Variants in CRYBG2 observed in about 807,000 individuals in gnomAD.
CRYBG2 encodes beta/gamma crystallin domain-containing protein 2.
Under a neutral mutation model 153.4 loss-of-function variants are expected in CRYBG2, and 106 were observed. The observed-to-expected ratio is 0.69, with a 90% CI of 0.59 to 0.81. The LOEUF is 0.81. CRYBG2 is among the 30% of genes least tolerant of loss of function. CRYBG2 has a pLI of 0.00. For missense variants in CRYBG2, 1,996 were observed against 2,112.0 expected (o/e 0.95, Z 1.08); for synonymous variants, 851 against 877.8 (o/e 0.97, Z 0.54).
rs778910143 is a variant in CRYBG2, at chr1:26,338,516, GACTTCAAGGGACAC to G, written c.3345-53_3345-40del. On this transcript the variant is annotated intron_variant, in intron 6 of 19. Coordinates refer to ENST00000308182, the MANE Select transcript of CRYBG2 (RefSeq NM_001039775.4). The stretch of plus-strand genomic sequence containing the variant: ...AGAGGCTGCTGCACCCTAGCAGAGA[GACTTCAAGGGACAC>G]AGATTGGTGGGCGGGAGGGAAGGTT... The G allele has an allele frequency of 2.6e-6, 4 of 1,538,074 alleles. No individual in the cohort carries two copies. In the Admixed American group the frequency reaches 8.4e-5, roughly 32 times the overall value.
intron 1 of CRYBG2, among the ~76,000 whole-genome samples, chr1:26,349,402 C>T (rs2074263284): frequency 6.6e-6 from 1 of 152,082 alleles, no homozygotes; most frequent in South Asian, 2.1e-4. Flanking sequence ...CAGGCATCCT[C>T]CCTCCTACCC....
At position 26,346,187 on chromosome 1, in the gene CRYBG2, T is replaced by A; in HGVS notation, c.471A>T (p.Pro157=). The A allele has an allele frequency of 6.4e-7, 1 of 1,571,376 alleles. No homozygotes were observed. Among genetic ancestry groups the A allele is most frequent in the Non-Finnish European group, 8.6e-7 (1 of 1,165,342 alleles). Residue 157 remains proline (P), a synonymous_variant, in exon 2 of 20, where the codon CCA becomes CCT. Transcript: ENST00000308182. This position sits in a 1 kb window ranked among gnomAD's most constrained non-coding sequence, Gnocchi z 4.9. ...LPGPREPSPH[P]GVGLTSGSSR... is the part of the protein sequence containing the mutation. The stretch of plus-strand genomic sequence containing the variant: ...AGCTACCACTGGTGAGACCTACACC[T>A]GGGTGGGGACTTGGCTCTCGGGGCC...
chr1:26,336,332 C>T lies in CRYBG2; in HGVS notation c.4071+6G>A, dbSNP rs1315815140. On this transcript the variant is annotated splice_donor_region_variant and intron_variant, in intron 13 of 19. Coordinates refer to ENST00000308182, the MANE Select transcript of CRYBG2 (RefSeq NM_001039775.4). The surrounding 1 kb of genome is among the most constrained non-coding windows in gnomAD (Gnocchi z 4.9). ...CCAGCGGCTCCCTGCGGAGTCCCTG[C>T]CTTACCTTTGAGACGAAGTGCAGAT... 1 of 1,613,406 alleles carries T rather than the reference C, an allele frequency of 6.2e-7. No individual in the cohort carries two copies. The highest frequency in any genetic ancestry group is 8.5e-7 in the Non-Finnish European group (1 of 1,179,720).
chr1:26,329,338 G>A (rs746438274), intron 15 of CRYBG2, among the ~76,000 whole-genome samples: 11 of 151,464 alleles, frequency 7.3e-5, no homozygotes, highest in African/African-American at 2.2e-4. Context: ...CACCATCCCC[G>A]GCTAATTTTT....
At chr1:26,347,296 T>TG (rs2074235588) in intron 1 of CRYBG2, among the ~76,000 whole-genome samples, 1 of 137,442 alleles carries the variant, frequency 7.3e-6, no homozygotes, top group Non-Finnish European at 1.6e-5. Flanking sequence ...TTTTTTTTTT[T>TG]TTTTTTTTTT....
Position 26,344,576 on chromosome 1 carries a change from G to T in CRYBG2, c.2082C>A (p.Thr694=). ...DSEGSPISSL[T]QKEVVQDPDA... is the part of the protein sequence containing the mutation. Reference sequence around the variant, plus strand: ...CAGGGTCCTGCACAACCTCTTTCTGGGTGAGAGATGAGATGGGGCTCCCTT... The same window carrying T: ...CAGGGTCCTGCACAACCTCTTTCTGTGTGAGAGATGAGATGGGGCTCCCTT... The change falls in exon 2 of 20, where the codon ACC becomes ACA. Residue 694 remains threonine (T), a synonymous_variant. Coordinates refer to ENST00000308182, the MANE Select transcript of CRYBG2 (RefSeq NM_001039775.4). 1 of 1,539,100 alleles carries T rather than the reference G, an allele frequency of 6.5e-7. No individual in the cohort carries two copies. Among genetic ancestry groups the T allele is most frequent in the Non-Finnish European group, 8.7e-7 (1 of 1,146,904 alleles).
rs766098116 is a variant in CRYBG2 at position 26,346,182 on chromosome 1, A to C, written c.476T>G (p.Val159Gly). ...GPREPSPHPG[V>G]GLTSGSSRSL... ...CCGGGAGCTACCACTGGTGAGACCT[A>C]CACCTGGGTGGGGACTTGGCTCTCG... The change falls in exon 2 of 20, where the codon GTA (valine) becomes GGA (glycine). Residue 159 changes from valine (V) to glycine (G), a missense_variant. By Grantham distance (109) the Val-to-Gly change is moderately radical. Coordinates refer to ENST00000308182, the MANE Select transcript of CRYBG2 (RefSeq NM_001039775.4). This position sits in a 1 kb window ranked among gnomAD's most constrained non-coding sequence, Gnocchi z 4.9. The C allele has an allele frequency of 5.7e-6, 9 of 1,570,446 alleles. No individual in the cohort carries two copies. The African/African-American group carries it at 1.2e-4, about 21-fold the overall frequency.
chr1:26,324,086 C>T, intron 18 of CRYBG2, 66 bp downstream of exon 18: 1 of 1,538,586 alleles, frequency 6.5e-7, no homozygotes, highest in Non-Finnish European at 8.8e-7. Flanking sequence ...TGGGCTGGGA[C>T]TCCCCAGAGT....
chr1:26,349,482 C>A (rs1006500718), intron 1 of CRYBG2, among the ~76,000 whole-genome samples: 1 of 152,188 alleles, frequency 6.6e-6, no homozygotes, highest in Non-Finnish European at 1.5e-5. Flanking sequence ...TCTCACCCTC[C>A]GTCCTGGAGG....
chr1:26,328,651 G>C lies in CRYBG2; in HGVS notation c.4454+83C>G, dbSNP rs138104400. 7.7e-5 allele frequency: 117 copies of C among 1,520,118 alleles called. No individual in the cohort carries two copies. In the African/African-American group the frequency reaches 1.5e-3, roughly 20 times the overall value. The allele number at this position is 1,520,118 out of a possible 1,614,324, so 94.2% of individuals were successfully genotyped here. A position where few individuals can be genotyped will look rare whatever the true frequency, so the allele number is the denominator to read the frequency against. ...GGGGAAAAGTGGGGAGGGGAAAGAG[G>C]CCAGAGACCCCCAGGATCTCTGTCT... On this transcript the variant is annotated intron_variant, in intron 16 of 19. Coordinates refer to ENST00000308182, the MANE Select transcript of CRYBG2 (RefSeq NM_001039775.4).
At chr1:26,337,860 G>A in intron 8 of CRYBG2, 152 bp downstream of exon 8, 1 of 1,277,490 alleles carries the variant, frequency 7.8e-7, no homozygotes, top group South Asian at 1.5e-5. Flanking sequence ...TCAAAAGCCA[G>A]TTCCCAGTGA....
chr1:26,343,864 C>A lies in CRYBG2; in HGVS notation c.2794G>T (p.Ala932Ser). ...TPEPLGTKLS[A>S]LLPHGAPGLR... ...CCCGGTGCCCCATGGGGCAGCAGAG[C>A]AGATAGTTTTGTGCCCAGCGGTTCC... Residue 932 changes from alanine to serine, a missense_variant, in exon 2 of 20, where the codon GCT (alanine) becomes TCT (serine). Ala to Ser is a moderately conservative substitution (Grantham distance 99). Transcript: ENST00000308182. This position sits in a 1 kb window ranked among gnomAD's most constrained non-coding sequence, Gnocchi z 4.1. 6.7e-7 allele frequency: 1 copy of A among 1,501,556 alleles called. No homozygotes were observed. 93.0% of individuals were successfully genotyped at this position (1,501,556 alleles called of 1,614,324 possible).
chr1:26,328,785 T>C lies in CRYBG2; in HGVS notation c.4403A>G (p.Gln1468Arg). Residue 1468 changes from glutamine to arginine, a missense_variant, in exon 16 of 20, where the codon CAA becomes CGA. By Grantham distance (43) the Gln-to-Arg change is conservative. Coordinates refer to ENST00000308182, the MANE Select transcript of CRYBG2 (RefSeq NM_001039775.4). Reference sequence around the variant, plus strand: ...CACATGGTTGTTGAAGCCCTCGGCTTGCAGGCTCCGCACCTCCCTGCTGAG... The same window carrying C: ...CACATGGTTGTTGAAGCCCTCGGCTCGCAGGCTCCGCACCTCCCTGCTGAG... ...IELSREVRSL[Q>R]AEGFNNHVLS... The C allele has an allele frequency of 6.2e-7, 1 of 1,614,090 alleles. No homozygotes were observed. The highest frequency in any genetic ancestry group is 8.5e-7 in the Non-Finnish European group (1 of 1,180,012).
chr1:26,321,962 A>C lies in CRYBG2; in HGVS notation c.*6T>G. 1 of 1,559,974 alleles carries C rather than the reference A, an allele frequency of 6.4e-7. No homozygotes were observed. Among genetic ancestry groups the C allele is most frequent in the Non-Finnish European group, 8.7e-7 (1 of 1,146,232 alleles). On this transcript the variant is annotated 3_prime_UTR_variant, in exon 20 of 20. Coordinates refer to ENST00000308182, the MANE Select transcript of CRYBG2 (RefSeq NM_001039775.4). ...CCTCCAGGGCTGGAGGGTGAGGGGA[A>C]AAGTTTCAAAGCACGTGGATAGTCC...
At chr1:26,333,046 A>AAAAAAAAAAAAAT in intron 14 of CRYBG2, among the ~76,000 whole-genome samples, 3 of 136,702 alleles carry the variant, frequency 2.2e-5, no homozygotes, top group Non-Finnish European at 3.1e-5. Context: ...AAAAAAAAAA[A>AAAAAAAAAAAAAT]GATTTCTAAC....
chr1:26,342,975 G>T (rs1051505296), intron 4 of CRYBG2, 72 bp downstream of exon 4: 2 of 1,552,904 alleles, frequency 1.3e-6, no homozygotes, highest in African/African-American at 2.7e-5. Flanking sequence ...AGGCTGGACT[G>T]GTCACTCCTC....
rs1270226141 is a variant in CRYBG2 at position 26,329,176 on chromosome 1, T to TC, written c.4315-304_4315-303insG. On this transcript the variant is annotated intron_variant, in intron 15 of 19. Transcript: ENST00000308182. ...GAAACCTGGGGCTTATTCTAGGCTT[T>TC]TTTTTTTTTTTTTTTTTGAGACAGA... 2.2e-3 allele frequency among the ~76,000 whole-genome samples: 322 copies of TC among 144,584 alleles called. 1 individual carries two copies. Among genetic ancestry groups the TC allele is most frequent in the African/African-American group, 7.7e-3 (301 of 38,894 alleles). 94.9% of individuals were successfully genotyped at this position (144,584 alleles called of 152,430 possible).
chr1:26,338,235 A>G (rs2074085984), intron 7 of CRYBG2, 116 bp downstream of exon 7: 2 of 1,480,112 alleles, frequency 1.4e-6, no homozygotes, highest in Admixed American at 2.2e-5. Flanking sequence ...GCAGTCTCCA[A>G]GGGGTGCTGT....
rs374570778 is a variant in CRYBG2 at position 26,345,476 on chromosome 1, G to A, written c.1182C>T (p.Asp394=). The A allele has an allele frequency of 2.4e-5, 38 of 1,592,286 alleles. No individual in the cohort carries two copies. The highest frequency in any genetic ancestry group is 1.7e-4 in the Middle Eastern group (1 of 5,944). Residue 394 remains aspartate, a synonymous_variant, in exon 2 of 20, where the codon GAC becomes GAT. Transcript: ENST00000308182. ...TPLVLPPKKK[D]GPVDPPAATV... is the part of the protein sequence containing the mutation. Reference sequence around the variant, plus strand: ...TGGCAGCAGGGGGGTCCACGGGCCCGTCCTTTTTTTTAGGGGGCAGAACAA... The same window carrying A: ...TGGCAGCAGGGGGGTCCACGGGCCCATCCTTTTTTTTAGGGGGCAGAACAA...
Sources: gnomAD v4.1 joint callset for allele counts (sites outside exome capture counted in the v4.1 genomes callset) on GRCh38, gnomAD v4.1.1 for gene constraint, Gnocchi (gnomAD v3.1) non-coding constraint, MANE v1.5 for transcripts, NCBI Gene and HGNC (gene_info 2026-07-23, HGNC 2026-07-21) for gene names.